The following NPR3 variants were observed in gnomAD, a reference collection of about 807,000 sequenced individuals.
NPR3 encodes atrial natriuretic peptide receptor 3.
NPR3 carries 34 observed loss-of-function variants against 54.5 expected under a neutral mutation model. The observed-to-expected ratio is 0.62, with a 90% CI of 0.47 to 0.83. The LOEUF is 0.83. Among genes scored for constraint, NPR3 ranks in the 40% least tolerant of loss-of-function variants. NPR3 has a pLI of 0.00. For synonymous variants in NPR3, 289 were observed against 297.1 expected (o/e 0.97, Z 0.28); for missense variants, 674 against 720.8 (o/e 0.94, Z 0.74).
At chr5:32,763,023 G>T (rs1043986519) in intron 3 of NPR3, among the ~76,000 whole-genome samples, 2 of 152,192 alleles carry the variant, frequency 1.3e-5, no homozygotes, top group African/African-American at 4.8e-5. Context: ...GTATAAGGAA[G>T]GGGTCAAGTT....
chr5:32,713,081 C>T, intron 1 of NPR3: 1 of 743,132 alleles, frequency 1.3e-6, no homozygotes, highest in Non-Finnish European at 1.6e-6. Flanking sequence ...CTTTTAAAGG[C>T]TTGTTGACTC....
At chr5:32,736,166 G>T (rs779411670) in intron 2 of NPR3, among the ~76,000 whole-genome samples, 1 of 147,720 alleles carries the variant, frequency 6.8e-6, no homozygotes, top group Non-Finnish European at 1.5e-5. Context: ...TGGAGGCAAA[G>T]GTTGCAGTGA....
rs1177943172 is a variant in NPR3 at position 32,782,924 on chromosome 5, G to A, written c.1322G>A (p.Arg441His). 11 of 1,611,728 alleles carry A rather than the reference G, an allele frequency of 6.8e-6. No individual in the cohort carries two copies. The highest frequency in any genetic ancestry group is 6.7e-5 in the Admixed American group (4 of 59,756). Reference protein sequence around the residue: ...VIGDYFGKEGRFEMRPNVKYP... With the variant: ...VIGDYFGKEGHFEMRPNVKYP... ...GGTGATTATTTTGGAAAAGAAGGTC[G>A]TTTTGAAATGCGGCCGAATGTCAAA... is the stretch of plus-strand genomic sequence containing the variant. Residue 441 changes from arginine to histidine, a missense_variant, in exon 6 of 8, where the codon CGT (arginine) becomes CAT (histidine). Transcript: ENST00000265074.
At chr5:32,726,303 T>A (rs1056499578) in intron 2 of NPR3, among the ~76,000 whole-genome samples, 1 of 152,158 alleles carries the variant, frequency 6.6e-6, no homozygotes, top group East Asian at 1.9e-4. Context: ...TAAAACACGC[T>A]TATCATGGAG....
intron 3 of NPR3, among the ~76,000 whole-genome samples, chr5:32,747,346 T>C (rs761749113): frequency 9.2e-5 from 14 of 152,220 alleles, no homozygotes; most frequent in Non-Finnish European, 1.9e-4. Context: ...ACATAGTTTC[T>C]GGTTAAAAAT....
intron 1 of NPR3, among the ~76,000 whole-genome samples, chr5:32,697,655 C>T (rs1380186938): frequency 6.6e-6 from 1 of 151,988 alleles, no homozygotes; most frequent in African/African-American, 2.4e-5. Flanking sequence ...TTTATTATGG[C>T]TTCAACCTTG....
chr5:32,762,253 T>G (rs994266763), intron 3 of NPR3, among the ~76,000 whole-genome samples: 1 of 152,138 alleles, frequency 6.6e-6, no homozygotes, highest in East Asian at 1.9e-4. Context: ...GCAATAAACA[T>G]ACATGTGCAT....
chr5:32,785,578 C>T (rs949276179), intron 7 of NPR3, among the ~76,000 whole-genome samples: 9 of 152,200 alleles, frequency 5.9e-5, no homozygotes, highest in African/African-American at 2.2e-4. Context: ...AAATAGATGC[C>T]TGGGCTCACC....
chr5:32,704,462 C>T (rs1272279293), upstream of NPR3, among the ~76,000 whole-genome samples: 1 of 151,432 alleles, frequency 6.6e-6, no homozygotes, highest in Admixed American at 6.6e-5. Context: ...TTCTATTTAG[C>T]CAGCTTGCTC....
intron 2 of NPR3, among the ~76,000 whole-genome samples, chr5:32,734,284 G>T (rs539578060): frequency 2.0e-5 from 3 of 152,266 alleles, no homozygotes; most frequent in African/African-American, 7.2e-5. Flanking sequence ...GCCAGGCCAG[G>T]TGAATGCTTA....
intron 1 of NPR3, among the ~76,000 whole-genome samples, chr5:32,697,959 TATTGTTTTC>T (rs1433504123): frequency 6.6e-6 from 1 of 152,068 alleles, no homozygotes; most frequent in African/African-American, 2.4e-5. Flanking sequence ...TCATCTTTTG[TATTGTTTTC>T]TTTGTTTCTG....
At chr5:32,772,203 A>G (rs748109110) in intron 3 of NPR3, among the ~76,000 whole-genome samples, 26 of 152,354 alleles carry the variant, frequency 1.7e-4, no homozygotes, top group Non-Finnish European at 3.7e-4. Flanking sequence ...CTTGACAGCT[A>G]AGAATAAGAG....
At chr5:32,735,537 T>C (rs1018433241) in intron 2 of NPR3, among the ~76,000 whole-genome samples, 3 of 151,104 alleles carry the variant, frequency 2.0e-5, no homozygotes, top group Non-Finnish European at 4.4e-5. Flanking sequence ...CCAAGAACCA[T>C]TTTTAGCTTT....
chr5:32,735,380 C>T (rs565165307), intron 2 of NPR3, among the ~76,000 whole-genome samples: 23 of 151,812 alleles, frequency 1.5e-4, no homozygotes, highest in South Asian at 1.5e-3. Context: ...AGATTCCTCA[C>T]GCACAGTGCT....
intron 4 of NPR3, 66 bp from the exon 5 acceptor site, chr5:32,780,656 G>A: frequency 1.3e-6 from 1 of 799,112 alleles, no homozygotes; most frequent in Non-Finnish European, 2.3e-6. Flanking sequence ...TCATTTTCTT[G>A]TTTTTGTTGG....
In NPR3 at chr5:32,791,211, G is replaced by C. The variant is rs1451929982; in HGVS notation, c.*4866G>C. 6.0e-6 allele frequency: 1 copy of C among 167,090 alleles called. No individual in the cohort carries two copies. The highest frequency in any genetic ancestry group is 3.1e-3 in the Middle Eastern group (1 of 318). The allele number at this position is 167,090 out of a possible 1,614,324, so 10.4% of individuals were successfully genotyped here. A position where few individuals can be genotyped will look rare whatever the true frequency, so the allele number is the denominator to read the frequency against. ...AACAGCATGGAGTTGCTGTGAGTTT[G>C]TTCGTTGCAGACCTTTGTGTTGGGT... On this transcript the variant is annotated 3_prime_UTR_variant, in exon 8 of 8. Coordinates refer to ENST00000265074, the MANE Select transcript of NPR3 (RefSeq NM_001204375.2).
chr5:32,783,658 CT>C (rs1193933085), intron 6 of NPR3: 1 of 152,132 alleles, frequency 6.6e-6, no homozygotes, highest in Non-Finnish European at 1.5e-5. Context: ...TTGAAAATAT[CT>C]TTTAAACTGT....
intron 2 of NPR3, among the ~76,000 whole-genome samples, chr5:32,729,853 C>T (rs914390464): frequency 6.6e-6 from 1 of 152,178 alleles, no homozygotes; most frequent in African/African-American, 2.4e-5. Flanking sequence ...TACCAAGCTT[C>T]CTCTAATGTT....
At chr5:32,710,918 ATG>A (rs1297481351), upstream of NPR3, 14 of 379,210 alleles carry the variant, frequency 3.7e-5, no homozygotes, top group Non-Finnish European at 4.6e-5. Context: ...GTGTGTGTGT[ATG>A]TGTGCGTGCG....
Sources: allele counts gnomAD v4.1 joint callset (sites outside exome capture counted in the v4.1 genomes callset), GRCh38; gene constraint gnomAD v4.1.1; transcripts MANE v1.5; gene names NCBI Gene and HGNC (gene_info 2026-07-23, HGNC 2026-07-21).